Variants in PRKCB observed in about 807,000 individuals in gnomAD.
PRKCB encodes protein kinase C beta, also known as protein kinase C beta type.
A neutral mutation model predicts 81.5 loss-of-function variants in PRKCB; 13 were observed. The ratio of observed to expected loss-of-function variants is 0.16; its 90% CI spans 0.10 to 0.25. PRKCB has a LOEUF of 0.25. Among genes scored for constraint, PRKCB ranks in the 10% least tolerant of loss-of-function variants. PRKCB has a pLI of 1.00. For synonymous variants in PRKCB, 335 were observed against 321.4 expected (o/e 1.04, Z -0.45); for missense variants, 509 against 875.7 (o/e 0.58, Z 5.29).
intron 3 of PRKCB, among the ~76,000 whole-genome samples, chr16:23,990,309 T>C (rs1964867698): frequency 6.6e-6 from 1 of 151,620 alleles, no homozygotes; most frequent in African/African-American, 2.4e-5. Flanking sequence ...ATACAAAAAA[T>C]TAGCCAGGCA....
chr16:24,051,644 G>A (rs1380659546), intron 5 of PRKCB, among the ~76,000 whole-genome samples: 1 of 152,126 alleles, frequency 6.6e-6, no homozygotes, highest in East Asian at 1.9e-4. Context: ...GGAGGCTGAG[G>A]TGAAGAATCA....
chr16:24,110,140 AGGAGG>A, intron 7 of PRKCB, among the ~76,000 whole-genome samples: 1 of 73,006 alleles, frequency 1.4e-5, no homozygotes, highest in Non-Finnish European at 2.3e-5. Context: ...GGAGAGGGAG[AGGAGG>A]GAGAGGAGGG....
At chr16:24,158,688 T>C (rs1410049516) in intron 10 of PRKCB, among the ~76,000 whole-genome samples, 1 of 152,006 alleles carries the variant, frequency 6.6e-6, no homozygotes, top group Non-Finnish European at 1.5e-5. Flanking sequence ...AGACAGGGTC[T>C]TGCTCTGTGG....
chr16:24,035,956 C>T (rs1965611856), intron 5 of PRKCB, among the ~76,000 whole-genome samples: 1 of 152,102 alleles, frequency 6.6e-6, no homozygotes, highest in Non-Finnish European at 1.5e-5. Flanking sequence ...CTTCCGCAAA[C>T]TTTTCCAGCA....
chr16:23,989,348 G>T (rs935183038), intron 3 of PRKCB, among the ~76,000 whole-genome samples: 2 of 152,182 alleles, frequency 1.3e-5, no homozygotes, highest in African/African-American at 2.4e-5. Context: ...GCCTCCCAAA[G>T]TGTTGGGATT....
chr16:23,993,831 A>G (rs1278644418), intron 3 of PRKCB, among the ~76,000 whole-genome samples: 1 of 152,164 alleles, frequency 6.6e-6, no homozygotes, highest in African/African-American at 2.4e-5. Flanking sequence ...CTGCCTAATC[A>G]TGGTGTTGCT....
chr16:24,066,808 A>T (rs1399703585), intron 5 of PRKCB, among the ~76,000 whole-genome samples: 3 of 152,156 alleles, frequency 2.0e-5, no homozygotes, highest in Non-Finnish European at 4.4e-5. Flanking sequence ...ATGTCCATCC[A>T]CTTGGGAATT....
intron 2 of PRKCB, among the ~76,000 whole-genome samples, chr16:23,886,406 G>GTTGTTTTTT (rs1963201668): frequency 1.4e-5 from 1 of 70,202 alleles, no homozygotes; most frequent in Non-Finnish European, 2.5e-5. Context: ...TGTGTTAGGT[G>GTTGTTTTTT]TTTTTTTTTT....
intron 2 of PRKCB, among the ~76,000 whole-genome samples, chr16:23,945,747 G>GAAAAAC (rs1475922357): frequency 7.2e-5 from 11 of 152,018 alleles, no homozygotes; most frequent in Admixed American, 3.3e-4. Context: ...AAAAGAAAAA[G>GAAAAAC]AAAACAAAAA....
chr16:24,046,468 G>T (rs1392580003), intron 5 of PRKCB, among the ~76,000 whole-genome samples: 1 of 152,352 alleles, frequency 6.6e-6, no homozygotes, highest in East Asian at 1.9e-4. Context: ...AAATAAAGCG[G>T]CATGATGTGA....
intron 2 of PRKCB, chr16:23,869,336 AGTGACAC>A (rs1962863727): frequency 1.3e-5 from 4 of 305,460 alleles, no homozygotes; most frequent in Non-Finnish European, 2.6e-5. Context: ...AGACAACTGC[AGTGACAC>A]GTAGCACGAG....
intron 2 of PRKCB, among the ~76,000 whole-genome samples, chr16:23,898,297 C>A (rs2141121757): frequency 6.6e-6 from 1 of 152,190 alleles, no homozygotes; most frequent in South Asian, 2.1e-4. Context: ...GATCTCCTGA[C>A]CTCCAGTGAT....
intron 8 of PRKCB, among the ~76,000 whole-genome samples, chr16:24,118,211 G>A (rs189038782): frequency 6.6e-6 from 1 of 152,348 alleles, no homozygotes; most frequent in East Asian, 1.9e-4. Context: ...GTCTCTCTGA[G>A]CTTCTGATTC....
intron 5 of PRKCB, among the ~76,000 whole-genome samples, chr16:24,049,291 T>TAACCTGGCACATCCGGGACCTGC: frequency 6.6e-6 from 1 of 151,520 alleles, no homozygotes; most frequent in Admixed American, 6.6e-5. Flanking sequence ...CCTTTACCAC[T>TAACCTGGCACATCCGGGACCTGC]ACCCTGGCAC....
At chr16:24,085,227 C>T (rs1456896274) in intron 5 of PRKCB, among the ~76,000 whole-genome samples, 2 of 151,512 alleles carry the variant, frequency 1.3e-5, no homozygotes, top group African/African-American at 4.9e-5. Flanking sequence ...GAGGCTATGC[C>T]ATATCAGGTG....
chr16:23,875,437 G>T (rs1298302487), intron 2 of PRKCB, among the ~76,000 whole-genome samples: 2 of 149,248 alleles, frequency 1.3e-5, no homozygotes, highest in Non-Finnish European at 3.0e-5. Flanking sequence ...GGTGTCCAAG[G>T]ATTGAATTTC....
chr16:24,047,906 A>G (rs908655723), intron 5 of PRKCB, among the ~76,000 whole-genome samples: 1 of 152,206 alleles, frequency 6.6e-6, no homozygotes, highest in African/African-American at 2.4e-5. Context: ...GGGAGGGAGC[A>G]GTGGGCTGGA....
At chr16:23,967,614 C>CT in intron 2 of PRKCB, among the ~76,000 whole-genome samples, 1 of 152,066 alleles carries the variant, frequency 6.6e-6, no homozygotes, top group East Asian at 1.9e-4. Context: ...TGTGTGGTGT[C>CT]TTTTTTTCTT....
At chr16:23,976,478 C>T (rs1250586620) in intron 2 of PRKCB, among the ~76,000 whole-genome samples, 1 of 152,174 alleles carries the variant, frequency 6.6e-6, no homozygotes, top group Non-Finnish European at 1.5e-5. Context: ...CCCACTGTGG[C>T]CCAGGTCCCA....
Sources: gnomAD v4.1 joint callset for allele counts (sites outside exome capture counted in the v4.1 genomes callset) on GRCh38, gnomAD v4.1.1 for gene constraint, MANE v1.5 for transcripts, NCBI Gene and HGNC (gene_info 2026-07-23, HGNC 2026-07-21) for gene names.